Variants in AFG2A observed in about 807,000 individuals in gnomAD.
AFG2A encodes the protein AAA ATPase AFG2A.
the AFG2A span, among the ~76,000 whole-genome samples, chr4:123,021,590 A>T: frequency 6.6e-6 from 1 of 152,238 alleles, no homozygotes; most frequent in Admixed American, 6.5e-5. Context: ...ATAATAAATA[A>T]AAGCTCTCTC....
the AFG2A span, among the ~76,000 whole-genome samples, chr4:123,249,950 A>T: frequency 6.6e-6 from 1 of 152,076 alleles, no homozygotes; most frequent in Middle Eastern, 3.2e-3. Flanking sequence ...TGGTTTCTGG[A>T]ACTATTCTCT....
At chr4:123,026,187 G>A in the AFG2A span, among the ~76,000 whole-genome samples, 9 of 151,898 alleles carry the variant, frequency 5.9e-5, no homozygotes, top group African/African-American at 2.2e-4. Context: ...GTTCCACTTG[G>A]GTGAGAGGGT....
the AFG2A span, among the ~76,000 whole-genome samples, chr4:123,254,461 C>A: frequency 6.6e-6 from 1 of 152,044 alleles, no homozygotes; most frequent in African/African-American, 2.4e-5. Flanking sequence ...CTCACACTAT[C>A]TTGTTTCTTT....
the AFG2A span, among the ~76,000 whole-genome samples, chr4:123,160,416 T>C: frequency 6.6e-6 from 1 of 152,202 alleles, no homozygotes; most frequent in African/African-American, 2.4e-5. Flanking sequence ...CATCCCTAAC[T>C]GCTAATCACC....
the AFG2A span, chr4:122,979,196 A>G: frequency 3.1e-6 from 5 of 1,602,592 alleles, no homozygotes; most frequent in Non-Finnish European, 4.3e-6. Context: ...TTATGAAGGA[A>G]AAGACAAATC....
the AFG2A span, among the ~76,000 whole-genome samples, chr4:122,962,847 A>T: frequency 6.6e-6 from 1 of 152,216 alleles, no homozygotes; most frequent in Admixed American, 6.5e-5. Context: ...GCTATACCAC[A>T]GTTCACACCA....
At chr4:123,205,468 A>G in the AFG2A span, among the ~76,000 whole-genome samples, 1 of 152,242 alleles carries the variant, frequency 6.6e-6, no homozygotes, top group African/African-American at 2.4e-5. Flanking sequence ...ACAGTAAAAA[A>G]TAATGCAACA....
the AFG2A span, among the ~76,000 whole-genome samples, chr4:123,224,293 G>A: frequency 6.6e-6 from 1 of 151,984 alleles, no homozygotes; most frequent in South Asian, 2.1e-4. Flanking sequence ...CATGTGCCAT[G>A]TTGGTGTGCT....
the AFG2A span, among the ~76,000 whole-genome samples, chr4:123,176,941 T>C: frequency 3.9e-5 from 6 of 152,186 alleles, no homozygotes; most frequent in Admixed American, 3.9e-4. Context: ...AATGATAGCA[T>C]GTTGATGCTG....
chr4:123,074,015 G>A, the AFG2A span, among the ~76,000 whole-genome samples: 1 of 151,048 alleles, frequency 6.6e-6, no homozygotes. Flanking sequence ...TAATTTTATT[G>A]CCTTCAACAT....
chr4:123,199,989 TG>T, the AFG2A span, among the ~76,000 whole-genome samples: 2 of 152,254 alleles, frequency 1.3e-5, no homozygotes, highest in Non-Finnish European at 2.9e-5. Context: ...TTATAAAACA[TG>T]TTCTAAGGAA....
chr4:123,119,229 G>A, the AFG2A span, among the ~76,000 whole-genome samples: 1 of 151,422 alleles, frequency 6.6e-6, no homozygotes, highest in African/African-American at 2.4e-5. Context: ...CTCATGTTTT[G>A]TTTACCGGTA....
the AFG2A span, among the ~76,000 whole-genome samples, chr4:122,965,982 GTCTTAT>G: frequency 1.3e-5 from 2 of 152,136 alleles, no homozygotes; most frequent in Non-Finnish European, 2.9e-5. Context: ...AAAGGGCTAA[GTCTTAT>G]TTAAAGTTGT....
the AFG2A span, among the ~76,000 whole-genome samples, chr4:123,263,255 C>A: frequency 8.5e-5 from 13 of 152,330 alleles, no homozygotes; most frequent in East Asian, 2.5e-3. Context: ...GGTGTTCCTT[C>A]ACCCCACTTG....
chr4:122,962,777 C>T, the AFG2A span, among the ~76,000 whole-genome samples: 1 of 152,052 alleles, frequency 6.6e-6, no homozygotes, highest in Non-Finnish European at 1.5e-5. Flanking sequence ...CTAATCCTGT[C>T]AGCTCTGTTT....
chr4:122,978,715 C>T, the AFG2A span, among the ~76,000 whole-genome samples: 2 of 152,222 alleles, frequency 1.3e-5, no homozygotes, highest in Admixed American at 1.3e-4. Context: ...CACCCTCAGC[C>T]TCCCTCACAT....
At chr4:122,967,474 C>A in the AFG2A span, among the ~76,000 whole-genome samples, 2 of 152,022 alleles carry the variant, frequency 1.3e-5, no homozygotes, top group Non-Finnish European at 2.9e-5. Context: ...CTTCTTTAGT[C>A]ACCCTGCCTT....
At chr4:123,179,572 C>G in the AFG2A span, among the ~76,000 whole-genome samples, 1 of 152,224 alleles carries the variant, frequency 6.6e-6, no homozygotes, top group African/African-American at 2.4e-5. Context: ...CCATGTTGCC[C>G]AGGCTGGTCT....
the AFG2A span, among the ~76,000 whole-genome samples, chr4:122,970,340 C>A: frequency 3.3e-5 from 5 of 151,970 alleles, no homozygotes; most frequent in Non-Finnish European, 5.9e-5. Flanking sequence ...GTATAGTAGG[C>A]CATACCATCT....
Sources: allele counts gnomAD v4.1 joint callset (sites outside exome capture counted in the v4.1 genomes callset), GRCh38; gene constraint gnomAD v4.1.1; transcripts MANE v1.5; gene names NCBI Gene and HGNC (gene_info 2026-07-23, HGNC 2026-07-21).